The following HPS5 variants were observed in gnomAD, a reference collection of about 807,000 sequenced individuals.
HPS5 encodes BLOC-2 complex member HPS5.
HPS5 carries 83 observed loss-of-function variants against 128.0 expected under a neutral mutation model. The observed-to-expected ratio is 0.65, with a 90% CI of 0.54 to 0.78. The LOEUF is 0.78. Among genes scored for constraint, HPS5 ranks in the 30% least tolerant of loss-of-function variants. The pLI, the probability that HPS5 is intolerant of heterozygous loss-of-function variation, is 0.00. For synonymous variants in HPS5, 475 were observed against 470.2 expected (o/e 1.01, Z -0.13); for missense variants, 1,281 against 1,326.2 (o/e 0.97, Z 0.53).
chr11:18,296,529 T>C, intron 12 of HPS5: 1 of 597,046 alleles, frequency 1.7e-6, no homozygotes, highest in Non-Finnish European at 3.0e-6. Flanking sequence ...TTTTGGTTAA[T>C]GACCTTTCTT....
In HPS5 at chr11:18,287,568, T is replaced by C; in HGVS notation, c.2684A>G (p.Asp895Gly). Reference sequence around the variant, plus strand: ...TTCAGGCCTTGATTTCACCAGACTGTCTAAATAGGCCAAAAACTCAGCAGG... The same window carrying C: ...TTCAGGCCTTGATTTCACCAGACTGCCTAAATAGGCCAAAAACTCAGCAGG... ...HHPAEFLAYL[D>G]SLVKSRPEDQ... Residue 895 changes from aspartate to glycine, a missense_variant, in exon 18 of 23, where the codon GAC becomes GGC. By Grantham distance (94) the Asp-to-Gly change is moderately conservative (BLOSUM62 -1). Coordinates refer to ENST00000349215, the MANE Select transcript of HPS5 (RefSeq NM_181507.2). 6.2e-7 allele frequency: 1 copy of C among 1,614,156 alleles called. No individual in the cohort carries two copies. The highest frequency in any genetic ancestry group is 1.7e-5 in the Admixed American group (1 of 60,020).
chr11:18,301,676 G>A (rs143363751), intron 8 of HPS5, among the ~76,000 whole-genome samples: 189 of 152,066 alleles, frequency 1.2e-3, no homozygotes, highest in African/African-American at 3.6e-3. Context: ...TTGTGTGTGC[G>A]CAACAAAAAG....
intron 16 of HPS5, among the ~76,000 whole-genome samples, chr11:18,291,074 T>TGGG: frequency 6.6e-6 from 1 of 152,092 alleles, no homozygotes; most frequent in African/African-American, 2.4e-5. Flanking sequence ...AAAAATTAGC[T>TGGG]GGGCGTGGTG....
intron 15 of HPS5, among the ~76,000 whole-genome samples, 190 bp from the exon 16 acceptor site, chr11:18,292,209 CTTT>C (rs5790031): frequency 2.7e-4 from 36 of 135,718 alleles, no homozygotes; most frequent in Admixed American, 3.7e-4. Flanking sequence ...TAGTGTTTTA[CTTT>C]TTTTTTTTTT....
Position 18,311,990 on chromosome 11 carries a change from G to A in HPS5, c.143C>T (p.Ala48Val), listed in dbSNP as rs772082895. 2.5e-6 allele frequency: 4 copies of A among 1,613,820 alleles called. No individual in the cohort carries two copies. The African/African-American group carries it at 4.0e-5, about 16-fold the overall frequency. Reference sequence around the variant, plus strand: ...GAGTCCTCCTCCTGAACTGCCCAAAGCCAACCATTTCCGAGACACAGCTAT... The same window carrying A: ...GAGTCCTCCTCCTGAACTGCCCAAAACCAACCATTTCCGAGACACAGCTAT... The part of the protein sequence containing the change: ...TSIAVSRKWL[A>V]LGSSGGGLHL... Residue 48 changes from alanine (A) to valine (V), a missense_variant, in exon 3 of 23, where the codon GCT becomes GTT. Physicochemically the swap from Ala to Val is moderately conservative, Grantham distance 64 (BLOSUM62 0). Transcript: ENST00000349215.
intron 9 of HPS5, among the ~76,000 whole-genome samples, 176 bp from the exon 10 acceptor site, chr11:18,299,146 C>G (rs1467119417): frequency 6.6e-6 from 1 of 152,104 alleles, no homozygotes; most frequent in East Asian, 1.9e-4. Flanking sequence ...AGAAACTATT[C>G]TAAAAAGATC....
intron 2 of HPS5, among the ~76,000 whole-genome samples, chr11:18,313,690 C>T (rs1386242953): frequency 3.3e-5 from 5 of 151,144 alleles, no homozygotes; most frequent in East Asian, 2.0e-4. Context: ...CCAAGGTGGG[C>T]GGATCACGAG....
At position 18,287,959 on chromosome 11, in the gene HPS5, G is replaced by T; in HGVS notation, c.2495C>A (p.Thr832Lys). The T allele has an allele frequency of 6.2e-7, 1 of 1,613,920 alleles. No individual in the cohort carries two copies. The highest frequency in any genetic ancestry group is 8.5e-7 in the Non-Finnish European group (1 of 1,179,862). ...CTCGTCATCTAGTAACTTTAACCTT[G>T]TTGGTAGATCTCCTTTTTCCATCTC... Reference protein sequence around the residue: ...YMEMEKGDLPTRLKLLDDEVP... With the variant: ...YMEMEKGDLPKRLKLLDDEVP... The change falls in exon 17 of 23, where the codon ACA (threonine) becomes AAA (lysine). Residue 832 changes from threonine to lysine, a missense_variant. Thr to Lys is a moderately conservative substitution (Grantham distance 78, BLOSUM62 -1). Coordinates refer to ENST00000349215, the MANE Select transcript of HPS5 (RefSeq NM_181507.2).
At chr11:18,288,051 C>A in intron 16 of HPS5, 38 bp from the exon 17 acceptor site, 2 of 1,609,562 alleles carry the variant, frequency 1.2e-6, no homozygotes, top group South Asian at 1.1e-5. Flanking sequence ...AACTTTATCT[C>A]TTAGGCGGAA....
intron 8 of HPS5, among the ~76,000 whole-genome samples, chr11:18,303,767 T>C (rs1862013905): frequency 6.6e-6 from 1 of 151,622 alleles, no homozygotes; most frequent in Non-Finnish European, 1.5e-5. Flanking sequence ...GGCAGGAGAA[T>C]TGCTAGAACC....
intron 15 of HPS5, 132 bp downstream of exon 15, chr11:18,292,767 A>T: frequency 1.3e-6 from 1 of 758,232 alleles, no homozygotes; most frequent in Admixed American, 2.1e-5. Flanking sequence ...AAAAGGAAAG[A>T]CCATTTATAG....
intron 1 of HPS5, among the ~76,000 whole-genome samples, chr11:18,320,233 G>A (rs1371544776): frequency 1.3e-5 from 2 of 152,196 alleles, no homozygotes; most frequent in Admixed American, 1.3e-4. Flanking sequence ...TACTCTCCCT[G>A]AAATGACTGC....
In HPS5 at chr11:18,294,893, C is replaced by T. The variant is rs774433018; in HGVS notation, c.1784+127G>A. 6.9e-5 allele frequency: 64 copies of T among 922,658 alleles called. 1 individual carries two copies. Among genetic ancestry groups the T allele is most frequent in the Non-Finnish European group, 9.0e-5 (53 of 587,240 alleles). The allele number at this position is 922,658 out of a possible 1,614,324, so 57.2% of individuals were successfully genotyped here. ...AACTTTACAAATTTGTGTTGGGCCACGTTCAAAGCCGTCCTGGAACACATG... is the reference window on the plus strand; with the variant it reads ...AACTTTACAAATTTGTGTTGGGCCATGTTCAAAGCCGTCCTGGAACACATG... On this transcript the variant is annotated intron_variant, in intron 14 of 22. Coordinates refer to ENST00000349215, the MANE Select transcript of HPS5 (RefSeq NM_181507.2).
Position 18,291,598 on chromosome 11 carries a change from C to T in HPS5, c.2284G>A (p.Asp762Asn), listed in dbSNP as rs1413131365. 1 of 1,613,952 alleles carries T rather than the reference C, an allele frequency of 6.2e-7. No homozygotes were observed. The highest frequency in any genetic ancestry group is 1.7e-5 in the Admixed American group (1 of 60,016). The change falls in exon 16 of 23, where the codon GAC becomes AAC. Residue 762 changes from aspartate to asparagine, a missense_variant. Asp to Asn is a conservative substitution (Grantham distance 23). Transcript: ENST00000349215. ...GGAGAGTACTGTTGCAAAGTGTGGT[C>T]CACATGTCCACTGGTGCTTTTGATC... is the stretch of plus-strand genomic sequence containing the variant. ...SKIKSTSGHVDHTLQQYSPEI... is the reference protein window; with the variant it reads ...SKIKSTSGHVNHTLQQYSPEI...
rs192730319 is a variant in HPS5, at chr11:18,318,548, C to A, written c.-49-641G>T. The stretch of plus-strand genomic sequence containing the variant: ...GAATACGGATAAGAATACAAGGTAA[C>A]AAATGCCAAATAACCAGTGAGGACT... On this transcript the variant is annotated intron_variant, in intron 1 of 22. Coordinates refer to ENST00000349215, the MANE Select transcript of HPS5 (RefSeq NM_181507.2). Among the ~76,000 whole-genome samples the A allele has an allele frequency of 4.7e-4, 72 of 152,296 alleles. 1 individual carries two copies. The highest frequency in any genetic ancestry group is 1.7e-3 in the African/African-American group (70 of 41,574).
At chr11:18,301,345 A>G (rs925537849) in intron 8 of HPS5, among the ~76,000 whole-genome samples, 1 of 150,226 alleles carries the variant, frequency 6.7e-6, no homozygotes, top group African/African-American at 2.5e-5. Context: ...AATCCCAGCT[A>G]CTCGGGAGGC....
chr11:18,293,713 G>A (rs1860723068), intron 14 of HPS5, among the ~76,000 whole-genome samples: 1 of 152,186 alleles, frequency 6.6e-6, no homozygotes, highest in Non-Finnish European at 1.5e-5. Flanking sequence ...AGTAGGGAAA[G>A]GGACATATTC....
At chr11:18,315,707 T>C (rs1375198128) in intron 2 of HPS5, among the ~76,000 whole-genome samples, 1 of 152,086 alleles carries the variant, frequency 6.6e-6, no homozygotes, top group African/African-American at 2.4e-5. Flanking sequence ...AAGGATCTCA[T>C]CAAATAACCA....
At chr11:18,312,085 A>C in intron 2 of HPS5, 61 bp from the exon 3 acceptor site, 1 of 1,272,162 alleles carries the variant, frequency 7.9e-7, no homozygotes, top group Non-Finnish European at 1.1e-6. Flanking sequence ...TAGACTATCC[A>C]CTGAAAATAA....
Sources: allele counts gnomAD v4.1 joint callset (sites outside exome capture counted in the v4.1 genomes callset), GRCh38; gene constraint gnomAD v4.1.1; transcripts MANE v1.5; gene names NCBI Gene and HGNC (gene_info 2026-07-23, HGNC 2026-07-21).